The following FOXJ1 variants were observed in gnomAD, a reference collection of about 807,000 sequenced individuals.
FOXJ1 encodes the protein forkhead box protein J1.
In FOXJ1, 8 loss-of-function variants were observed where a neutral mutation model predicts 29.3. That is an observed-to-expected ratio of 0.27 (90% CI 0.16 to 0.49). The LOEUF (loss-of-function observed/expected upper bound fraction) is 0.49, where lower values mean the gene tolerates loss of function less well. Ranked by LOEUF, FOXJ1 falls within the 20% of genes least tolerant of loss-of-function variation. The pLI is 0.98. For missense variants in FOXJ1, 539 were observed against 595.5 expected (o/e 0.91, Z 0.99); for synonymous variants, 280 against 278.7 (o/e 1.00, Z -0.05).
Position 76,137,674 on chromosome 17 carries a change from G to A in FOXJ1, c.945C>T (p.Phe315=), listed in dbSNP as rs1457885432. The change falls in exon 3 of 3, where the codon TTC becomes TTT. Residue 315 remains phenylalanine, a synonymous_variant. Transcript: ENST00000322957. The surrounding 1 kb of genome is among the most constrained non-coding windows in gnomAD (Gnocchi z 9.5). ...GCTCCCCGCCCAGAGTGCCGGCGTC[G>A]AAGATGGCCTCCCAGTCAAAGTTGC... ...LKGNFDWEAI[F]DAGTLGGELG... is the part of the protein sequence containing the mutation. The A allele has an allele frequency of 8.7e-6, 14 of 1,612,380 alleles. No homozygotes were observed. The highest frequency in any genetic ancestry group is 3.3e-5 in the Admixed American group (2 of 59,932).
chr17:76,137,650 C>T lies in FOXJ1; in HGVS notation c.969G>A (p.Glu323=). The part of the protein sequence containing the change: ...AIFDAGTLGG[E]LGALEALELS... ...GCTCCAGGGCCTCCAGTGCACCCAG[C>T]TCCCCGCCCAGAGTGCCGGCGTCGA... is the stretch of plus-strand genomic sequence containing the variant. The change falls in exon 3 of 3, where the codon GAG becomes GAA. Residue 323 remains glutamate (E), a synonymous_variant. Coordinates refer to ENST00000322957, the MANE Select transcript of FOXJ1 (RefSeq NM_001454.4). This position sits in a 1 kb window ranked among gnomAD's most constrained non-coding sequence, Gnocchi z 9.5. 6.2e-7 allele frequency: 1 copy of T among 1,608,756 alleles called. No individual in the cohort carries two copies. Among genetic ancestry groups the T allele is most frequent in the African/African-American group, 1.3e-5 (1 of 75,008 alleles).
At position 76,137,096 on chromosome 17, in the gene FOXJ1, C is replaced by G. The variant is rs542574129; in HGVS notation, c.*257G>C. 1.0e-5 allele frequency: 4 copies of G among 380,992 alleles called. No homozygotes were observed. Among genetic ancestry groups the G allele is most frequent in the African/African-American group, 2.1e-5 (1 of 48,048 alleles). The allele number at this position is 380,992 out of a possible 1,614,324, so 23.6% of individuals were successfully genotyped here. A position where few individuals can be genotyped will look rare whatever the true frequency, so the allele number is the denominator to read the frequency against. On this transcript the variant is annotated 3_prime_UTR_variant, in exon 3 of 3. Coordinates refer to ENST00000322957, the MANE Select transcript of FOXJ1 (RefSeq NM_001454.4). This position sits in a 1 kb window ranked among gnomAD's most constrained non-coding sequence, Gnocchi z 9.5. ...GCCGGTTTCTGGGGCTGGGAAGACGCGGAGCAATGAAACACTGTGTGTACA... is the reference window on the plus strand; with the variant it reads ...GCCGGTTTCTGGGGCTGGGAAGACGGGGAGCAATGAAACACTGTGTGTACA...
Position 76,139,811 on chromosome 17 carries a change from C to G in FOXJ1, c.498+87G>C. 1 of 1,446,844 alleles carries G rather than the reference C, an allele frequency of 6.9e-7. No individual in the cohort carries two copies. Among genetic ancestry groups the G allele is most frequent in the East Asian group, 2.5e-5 (1 of 40,334 alleles). 89.6% of individuals were successfully genotyped at this position (1,446,844 alleles called of 1,614,324 possible). ...TGGCCGCACCGCAGAGCCTACTTGG[C>G]CTGCAGATTTGGGATATGAATCCAG... On this transcript the variant is annotated intron_variant, in intron 2 of 2. Transcript: ENST00000322957. This position sits in a 1 kb window ranked among gnomAD's most constrained non-coding sequence, Gnocchi z 6.6.
At position 76,137,775 on chromosome 17, in the gene FOXJ1, C is replaced by T; in HGVS notation, c.844G>A (p.Val282Met). The part of the protein sequence containing the change: ...HKRKQPLPKR[V>M]AKVPRPPSTL... ...CTGGGGGGCCGCGGGACCTTGGCCACCCGCTTGGGCAGCGGCTGTTTGCGC... is the reference window on the plus strand; with the variant it reads ...CTGGGGGGCCGCGGGACCTTGGCCATCCGCTTGGGCAGCGGCTGTTTGCGC... Residue 282 changes from valine (V) to methionine (M), a missense_variant, in exon 3 of 3, where the codon GTG (valine) becomes ATG (methionine). Val to Met is a conservative substitution (Grantham distance 21). Around this residue, in one of 3 missense-constraint regions of FOXJ1, gnomAD observed 302 missense variants for 293.6 expected, o/e 1.03. Transcript: ENST00000322957. The surrounding 1 kb of genome is among the most constrained non-coding windows in gnomAD (Gnocchi z 9.5). 1 of 1,609,004 alleles carries T rather than the reference C, an allele frequency of 6.2e-7. No homozygotes were observed. Among genetic ancestry groups the T allele is most frequent in the South Asian group, 1.1e-5 (1 of 90,732 alleles).
Position 76,139,738 on chromosome 17 carries a change from G to A in FOXJ1, c.498+160C>T, listed in dbSNP as rs1261977653. 6.6e-6 allele frequency among the ~76,000 whole-genome samples: 1 copy of A among 152,176 alleles called. No individual in the cohort carries two copies. Among genetic ancestry groups the A allele is most frequent in the Non-Finnish European group, 1.5e-5 (1 of 68,042 alleles). On this transcript the variant is annotated intron_variant, in intron 2 of 2. Coordinates refer to ENST00000322957, the MANE Select transcript of FOXJ1 (RefSeq NM_001454.4). The surrounding 1 kb of genome is among the most constrained non-coding windows in gnomAD (Gnocchi z 6.6). ...CTCTCTCTCTGGAAGTCAAAGGAGGGGCAGTTGCAAGAACTGGGCTCCTTT... is the reference window on the plus strand; with the variant it reads ...CTCTCTCTCTGGAAGTCAAAGGAGGAGCAGTTGCAAGAACTGGGCTCCTTT...
At position 76,140,596 on chromosome 17, in the gene FOXJ1, C is replaced by A; in HGVS notation, c.-169-32G>T. 1.9e-6 allele frequency: 1 copy of A among 514,026 alleles called. No homozygotes were observed. The highest frequency in any genetic ancestry group is 3.5e-5 in the East Asian group (1 of 28,360). 31.8% of individuals were successfully genotyped at this position (514,026 alleles called of 1,614,324 possible). On this transcript the variant is annotated intron_variant, in intron 1 of 2. Coordinates refer to ENST00000322957, the MANE Select transcript of FOXJ1 (RefSeq NM_001454.4). The surrounding 1 kb of genome is among the most constrained non-coding windows in gnomAD (Gnocchi z 8.0). ...GGACCACGGTGGGAGCTGAGCACTA[C>A]CCCACCCCCGAGGGGACAGTGTGTG...
In FOXJ1 at chr17:76,137,356, C is replaced by A. The variant is rs561343952; in HGVS notation, c.1263G>T (p.Leu421Phe). ...AGGTGGGGCAGGGCCTGGCCTCTTA[C>A]AAGAAGGCCCCCACGCTGGCCCAGT... ...LQDWASVGAF[L>F] is the part of the protein sequence containing the mutation. The change falls in exon 3 of 3, where the codon TTG becomes TTT. Residue 421 changes from leucine to phenylalanine, a missense_variant. This residue lies in a region of FOXJ1 where 302 missense variants were observed against 293.6 expected (regional missense o/e 1.03). Coordinates refer to ENST00000322957, the MANE Select transcript of FOXJ1 (RefSeq NM_001454.4). This position sits in a 1 kb window ranked among gnomAD's most constrained non-coding sequence, Gnocchi z 9.5. 314 of 1,484,272 alleles carry A rather than the reference C, an allele frequency of 2.1e-4. 4 individuals carry two copies. The Admixed American group carries it at 6.7e-3, about 31-fold the overall frequency. 91.9% of individuals were successfully genotyped at this position (1,484,272 alleles called of 1,614,324 possible).
chr17:76,136,414 C>A lies in FOXJ1; in HGVS notation c.*939G>T, dbSNP rs2068479890. On this transcript the variant is annotated 3_prime_UTR_variant, in exon 3 of 3. Transcript: ENST00000322957. The surrounding 1 kb of genome is among the most constrained non-coding windows in gnomAD (Gnocchi z 4.9). The stretch of plus-strand genomic sequence containing the variant: ...AAAAAGGTTAAATTGCCCCACGGGG[C>A]AGGAGGGTGGATGTGGGACGCAGCC... The A allele has an allele frequency of 6.6e-6, 1 of 152,112 alleles. No homozygotes were observed. The highest frequency in any genetic ancestry group is 1.5e-5 in the Non-Finnish European group (1 of 68,000). 9.4% of individuals were successfully genotyped at this position (152,112 alleles called of 1,614,324 possible). A position where few individuals can be genotyped will look rare whatever the true frequency, so the allele number is the denominator to read the frequency against.
Position 76,136,844 on chromosome 17 carries a change from C to G in FOXJ1, c.*509G>C, listed in dbSNP as rs1474906385. On this transcript the variant is annotated 3_prime_UTR_variant, in exon 3 of 3. Coordinates refer to ENST00000322957, the MANE Select transcript of FOXJ1 (RefSeq NM_001454.4). This position sits in a 1 kb window ranked among gnomAD's most constrained non-coding sequence, Gnocchi z 4.9. ...AGTCCATCTTCTGCCCTGCTCCGCC[C>G]CATCCACAGCCTGCCCCGGCCCCAG... 1 of 151,478 alleles carries G rather than the reference C, an allele frequency of 6.6e-6. No homozygotes were observed. The highest frequency in any genetic ancestry group is 1.5e-5 in the Non-Finnish European group (1 of 68,282). The allele number at this position is 151,478 out of a possible 1,614,324, so 9.4% of individuals were successfully genotyped here.
intron 2 of FOXJ1, among the ~76,000 whole-genome samples, chr17:76,138,345 G>A (rs532553607): frequency 8.5e-5 from 13 of 152,322 alleles, no homozygotes; most frequent in East Asian, 7.7e-4. Context: ...CCCTGTTGCC[G>A]GGATATCTGC....
chr17:76,138,990 C>T (rs1303971777), intron 2 of FOXJ1, among the ~76,000 whole-genome samples: 1 of 152,208 alleles, frequency 6.6e-6, no homozygotes, highest in African/African-American at 2.4e-5. Context: ...GCACTGCCTA[C>T]CCAGCCTCAA....
At position 76,139,529 on chromosome 17, in the gene FOXJ1, C is replaced by G. The variant is rs925422741; in HGVS notation, c.498+369G>C. On this transcript the variant is annotated intron_variant, in intron 2 of 2. Transcript: ENST00000322957. The surrounding 1 kb of genome is among the most constrained non-coding windows in gnomAD (Gnocchi z 6.6). ...CGGGGCAGGGCAGTGTCTAGGAATT[C>G]TAGGACTTGGGACAAGAATGCGCCT... 3.9e-5 allele frequency among the ~76,000 whole-genome samples: 6 copies of G among 152,236 alleles called. No homozygotes were observed. Among genetic ancestry groups the G allele is most frequent in the African/African-American group, 1.4e-4 (6 of 41,472 alleles).
chr17:76,137,357 A>T lies in FOXJ1; in HGVS notation c.1262T>A (p.Leu421Ter). The T allele has an allele frequency of 6.7e-7, 1 of 1,484,892 alleles. No individual in the cohort carries two copies. The highest frequency in any genetic ancestry group is 8.9e-7 in the Non-Finnish European group (1 of 1,119,560). 92.0% of individuals were successfully genotyped at this position (1,484,892 alleles called of 1,614,324 possible). A position where few individuals can be genotyped will look rare whatever the true frequency, so the allele number is the denominator to read the frequency against. The change falls in exon 3 of 3, where the codon TTG (leucine) becomes TAG (stop). Residue 421 changes from leucine to a stop codon, truncating the protein, a stop_gained. Transcript: ENST00000322957. LOFTEE classifies it high-confidence loss of function. The surrounding 1 kb of genome is among the most constrained non-coding windows in gnomAD (Gnocchi z 9.5). ...LQDWASVGAF[L>*] ...GGTGGGGCAGGGCCTGGCCTCTTACAAGAAGGCCCCCACGCTGGCCCAGTC... is the reference window on the plus strand; with the variant it reads ...GGTGGGGCAGGGCCTGGCCTCTTACTAGAAGGCCCCCACGCTGGCCCAGTC...
In FOXJ1 at chr17:76,137,401, G is replaced by T; in HGVS notation, c.1218C>A (p.Thr406=). The change falls in exon 3 of 3, where the codon ACC becomes ACA. Residue 406 remains threonine (T), a synonymous_variant. Coordinates refer to ENST00000322957, the MANE Select transcript of FOXJ1 (RefSeq NM_001454.4). This position sits in a 1 kb window ranked among gnomAD's most constrained non-coding sequence, Gnocchi z 9.5. Reference sequence around the variant, plus strand: ...CCCAGTCCTGCAGGTCGGAGGCCAGGGTGGCATCCCCAGCCTCAAAGAGGG... The same window carrying T: ...CCCAGTCCTGCAGGTCGGAGGCCAGTGTGGCATCCCCAGCCTCAAAGAGGG... ...PEPLFEAGDA[T]LASDLQDWAS... The T allele has an allele frequency of 6.5e-7, 1 of 1,532,318 alleles. No individual in the cohort carries two copies. Among genetic ancestry groups the T allele is most frequent in the Non-Finnish European group, 8.7e-7 (1 of 1,143,264 alleles). 94.9% of individuals were successfully genotyped at this position (1,532,318 alleles called of 1,614,324 possible).
chr17:76,140,175 G>A lies in FOXJ1; in HGVS notation c.221C>T (p.Pro74Leu). Residue 74 changes from proline to leucine, a missense_variant, in exon 2 of 3, where the codon CCC (proline) becomes CTC (leucine). Coordinates refer to ENST00000322957, the MANE Select transcript of FOXJ1 (RefSeq NM_001454.4). The surrounding 1 kb of genome is among the most constrained non-coding windows in gnomAD (Gnocchi z 8.0). ...CAGGCAGGCGGGGTCGGCCGCCAGG[G>A]GGGACCCGGGCGCCGCTGAACCTGG... The part of the protein sequence containing the change: ...QVPGSAAPGS[P>L]LAADPACLGQ... The A allele has an allele frequency of 6.9e-7, 1 of 1,459,680 alleles. No homozygotes were observed. The highest frequency in any genetic ancestry group is 8.9e-7 in the Non-Finnish European group (1 of 1,118,216). 90.4% of individuals were successfully genotyped at this position (1,459,680 alleles called of 1,614,324 possible).
Position 76,136,765 on chromosome 17 carries a change from G to A in FOXJ1, c.*588C>T, listed in dbSNP as rs372663804. On this transcript the variant is annotated 3_prime_UTR_variant, in exon 3 of 3. Coordinates refer to ENST00000322957, the MANE Select transcript of FOXJ1 (RefSeq NM_001454.4). This position sits in a 1 kb window ranked among gnomAD's most constrained non-coding sequence, Gnocchi z 4.9. ...CAGAGGCCTTAGAGAGGATCTCCTT[G>A]CCCCACCCTGTGCCACCACCTCATT... is the stretch of plus-strand genomic sequence containing the variant. 6.6e-6 allele frequency: 1 copy of A among 152,050 alleles called. No individual in the cohort carries two copies. The allele number at this position is 152,050 out of a possible 1,614,324, so 9.4% of individuals were successfully genotyped here. A position where few individuals can be genotyped will look rare whatever the true frequency, so the allele number is the denominator to read the frequency against.
In FOXJ1 at chr17:76,137,593, C is replaced by T; in HGVS notation, c.1026G>A (p.Val342=). The part of the protein sequence containing the change: ...LSPPLSPASH[V]DVDLTIHGRH... ...GGCCGTGGATGGTGAGGTCCACGTC[C>T]ACGTGTGAGGCGGGGCTCAGAGGCG... is the stretch of plus-strand genomic sequence containing the variant. The change falls in exon 3 of 3, where the codon GTG becomes GTA. Residue 342 remains valine (V), a synonymous_variant. Transcript: ENST00000322957. The surrounding 1 kb of genome is among the most constrained non-coding windows in gnomAD (Gnocchi z 9.5). 2.5e-6 allele frequency: 4 copies of T among 1,601,876 alleles called. No homozygotes were observed. The highest frequency in any genetic ancestry group is 3.4e-6 in the Non-Finnish European group (4 of 1,173,110).
Position 76,140,027 on chromosome 17 carries a change from G to A in FOXJ1, c.369C>T (p.Pro123=). 6.2e-7 allele frequency: 1 copy of A among 1,613,010 alleles called. No homozygotes were observed. The change falls in exon 2 of 3, where the codon CCC becomes CCT. Residue 123 remains proline (P), a synonymous_variant. Coordinates refer to ENST00000322957, the MANE Select transcript of FOXJ1 (RefSeq NM_001454.4). This position sits in a 1 kb window ranked among gnomAD's most constrained non-coding sequence, Gnocchi z 8.0. ...DYATNPHVKP[P]YSYATLICMA... is the part of the protein sequence containing the mutation. Reference sequence around the variant, plus strand: ...TGCAGATGAGCGTGGCATACGAGTAGGGAGGCTTCACGTGCGGATTGGTGG... The same window carrying A: ...TGCAGATGAGCGTGGCATACGAGTAAGGAGGCTTCACGTGCGGATTGGTGG...
rs12952727 is a variant in FOXJ1 at position 76,136,945 on chromosome 17, C to G, written c.*408G>C. On this transcript the variant is annotated 3_prime_UTR_variant, in exon 3 of 3. Coordinates refer to ENST00000322957, the MANE Select transcript of FOXJ1 (RefSeq NM_001454.4). The surrounding 1 kb of genome is among the most constrained non-coding windows in gnomAD (Gnocchi z 4.9). ...TTAGCATTTGTTGTACCTGGGGACTCTCTCTGGATAGAGACCTGGGGAAGC... is the reference window on the plus strand; with the variant it reads ...TTAGCATTTGTTGTACCTGGGGACTGTCTCTGGATAGAGACCTGGGGAAGC... 5.7e-6 allele frequency: 1 copy of G among 175,052 alleles called. No homozygotes were observed. The highest frequency in any genetic ancestry group is 1.2e-5 in the Non-Finnish European group (1 of 83,900). The allele number at this position is 175,052 out of a possible 1,614,324, so 10.8% of individuals were successfully genotyped here.
Sources: allele counts gnomAD v4.1 joint callset (sites outside exome capture counted in the v4.1 genomes callset), GRCh38; gene constraint gnomAD v4.1.1; regional missense constraint gnomAD v4.1.1; non-coding constraint Gnocchi (gnomAD v3.1); transcripts MANE v1.5; gene names NCBI Gene and HGNC (gene_info 2026-07-23, HGNC 2026-07-21).